Variants in MAST1 observed in about 807,000 individuals in gnomAD.
The protein encoded by MAST1 is microtubule-associated serine/threonine-protein kinase 1.
Under a neutral mutation model 124.6 loss-of-function variants are expected in MAST1, and 40 were observed. That is an observed-to-expected ratio of 0.32 (90% CI 0.25 to 0.42). The LOEUF is 0.42. MAST1 is among the 10% of genes least tolerant of loss of function. The pLI, the probability that MAST1 is intolerant of heterozygous loss-of-function variation, is 1.00. For missense variants in MAST1, 1,558 were observed against 2,181.9 expected (o/e 0.71, Z 5.70); for synonymous variants, 938 against 939.4 (o/e 1.00, Z 0.03).
chr19:12,849,132 TG>T (rs961591668), intron 7 of MAST1, among the ~76,000 whole-genome samples: 7 of 151,850 alleles, frequency 4.6e-5, no homozygotes, highest in Non-Finnish European at 4.4e-5. Context: ...TTGGTGAGGG[TG>T]GGGGGGTGGA....
rs995686360 is a variant in MAST1 at position 12,874,064 on chromosome 19, G to T, written c.3907G>T (p.Ala1303Ser). The T allele has an allele frequency of 1.3e-6, 2 of 1,594,782 alleles. No homozygotes were observed. Among genetic ancestry groups the T allele is most frequent in the Non-Finnish European group, 1.7e-6 (2 of 1,174,040 alleles). ...CCGCAAGGACTTCCATGGCGAGCTGGCGCTGCATAGCCTTGCCGAGTCCGA... is the reference window on the plus strand; with the variant it reads ...CCGCAAGGACTTCCATGGCGAGCTGTCGCTGCATAGCCTTGCCGAGTCCGA... ...DFRKDFHGELALHSLAESDGE... is the reference protein window; with the variant it reads ...DFRKDFHGELSLHSLAESDGE... The change falls in exon 26 of 26, where the codon GCG becomes TCG. Residue 1303 changes from alanine to serine, a missense_variant. By Grantham distance (99) the Ala-to-Ser change is moderately conservative. Coordinates refer to ENST00000251472, the MANE Select transcript of MAST1 (RefSeq NM_014975.3). The surrounding 1 kb of genome is among the most constrained non-coding windows in gnomAD (Gnocchi z 6.6).
intron 4 of MAST1, among the ~76,000 whole-genome samples, chr19:12,845,607 G>A (rs1464031865): frequency 6.8e-6 from 1 of 147,028 alleles, no homozygotes; most frequent in Non-Finnish European, 1.5e-5. Context: ...ATAAAATAAA[G>A]CAAGAGGAGA....
rs1010401731 is a variant in MAST1 at position 12,859,213 on chromosome 19, G to A, written c.1366+474G>A. ...TTATGCCTCAGCCTCCCGAGTAGCT[G>A]GGATTATGGGCCTGTGCCACCATTC... On this transcript the variant is annotated intron_variant, in intron 12 of 25. Transcript: ENST00000251472. Among the ~76,000 whole-genome samples, 6 of 152,048 alleles carry A rather than the reference G, an allele frequency of 3.9e-5. No homozygotes were observed. In the South Asian group the frequency reaches 1.2e-3, roughly 32 times the overall value.
chr19:12,849,446 G>A lies in MAST1; in HGVS notation c.774+1389G>A, dbSNP rs371833189. 7.2e-5 allele frequency among the ~76,000 whole-genome samples: 11 copies of A among 151,984 alleles called. No homozygotes were observed. The East Asian group carries it at 1.4e-3, about 19-fold the overall frequency. ...TGGGAGGCTGAGGCGAGCAGATCAC[G>A]AGGTCAGGAGTTTGAAACCAGCCTG... On this transcript the variant is annotated intron_variant, in intron 7 of 25. Coordinates refer to ENST00000251472, the MANE Select transcript of MAST1 (RefSeq NM_014975.3).
At chr19:12,872,901 G>T (rs1970254228) in intron 24 of MAST1, among the ~76,000 whole-genome samples, 1 of 145,864 alleles carries the variant, frequency 6.9e-6, no homozygotes, top group African/African-American at 2.5e-5. Flanking sequence ...GCGAAACTTC[G>T]TCTCAAAAAA....
chr19:12,862,028 TCTCA>T (rs1453454896), intron 12 of MAST1, among the ~76,000 whole-genome samples: 4 of 133,718 alleles, frequency 3.0e-5, no homozygotes, highest in South Asian at 2.3e-4. Flanking sequence ...TGAAATGGAG[TCTCA>T]CTCACGCTGT....
intron 3 of MAST1, among the ~76,000 whole-genome samples, chr19:12,842,800 T>A (rs920388958): frequency 2.0e-5 from 3 of 152,134 alleles, no homozygotes; most frequent in Non-Finnish European, 4.4e-5. Context: ...GTGTGGAGTA[T>A]GTTTGGGTGA....
rs1054214018 is a variant in MAST1 at position 12,866,176 on chromosome 19, C to G, written c.2029+74C>G. 1 of 1,591,374 alleles carries G rather than the reference C, an allele frequency of 6.3e-7. No homozygotes were observed. Among genetic ancestry groups the G allele is most frequent in the African/African-American group, 1.3e-5 (1 of 74,530 alleles). The stretch of plus-strand genomic sequence containing the variant: ...AAGAGGGACCCTGGGGTAAGTAAAG[C>G]CTGGGATAGGGCCTGGCTAAGTACC... On this transcript the variant is annotated intron_variant, in intron 17 of 25. Coordinates refer to ENST00000251472, the MANE Select transcript of MAST1 (RefSeq NM_014975.3). The surrounding 1 kb of genome is among the most constrained non-coding windows in gnomAD (Gnocchi z 5.2).
At chr19:12,844,053 G>A (rs1039172606) in intron 4 of MAST1, among the ~76,000 whole-genome samples, 1 of 152,150 alleles carries the variant, frequency 6.6e-6, no homozygotes, top group African/African-American at 2.4e-5. Context: ...CTTCAAAGGT[G>A]TTCACTTGTC....
Position 12,838,794 on chromosome 19 carries a change from G to C in MAST1, c.83+139G>C, listed in dbSNP as rs1969791101. The C allele has an allele frequency of 5.4e-6, 4 of 741,074 alleles. No individual in the cohort carries two copies. Among genetic ancestry groups the C allele is most frequent in the Non-Finnish European group, 8.4e-6 (4 of 475,392 alleles). The allele number at this position is 741,074 out of a possible 1,614,324, so 45.9% of individuals were successfully genotyped here. A position where few individuals can be genotyped will look rare whatever the true frequency, so the allele number is the denominator to read the frequency against. On this transcript the variant is annotated intron_variant, in intron 1 of 25. Coordinates refer to ENST00000251472, the MANE Select transcript of MAST1 (RefSeq NM_014975.3). This position sits in a 1 kb window ranked among gnomAD's most constrained non-coding sequence, Gnocchi z 4.3. Reference sequence around the variant, plus strand: ...GTGCCCCAGCTGCGCCTTCCCGCCGGGGTTGGGGTTGAATGGGGGGTGGTG... The same window carrying C: ...GTGCCCCAGCTGCGCCTTCCCGCCGCGGTTGGGGTTGAATGGGGGGTGGTG...
Position 12,873,330 on chromosome 19 carries a change from G to A in MAST1, c.3270G>A (p.Lys1090=). 1 of 1,612,746 alleles carries A rather than the reference G, an allele frequency of 6.2e-7. No homozygotes were observed. Among genetic ancestry groups the A allele is most frequent in the Non-Finnish European group, 8.5e-7 (1 of 1,178,968 alleles). ...PSAKEGQESK[K]RSSLFRKITK... is the part of the protein sequence containing the mutation. ...CCCCCTCCCTGTCCCGCAGCAAGAA[G>A]CGCAGCTCCCTCTTCCGGAAGATCA... Residue 1090 remains lysine (K), a synonymous_variant, in exon 25 of 26, where the codon AAG becomes AAA. Transcript: ENST00000251472.
chr19:12,859,742 C>T (rs7246686), intron 12 of MAST1, among the ~76,000 whole-genome samples: 7,797 of 150,838 alleles, frequency 0.052, 696 homozygotes, highest in African/African-American at 0.18. Flanking sequence ...TGCAGTAAGC[C>T]GAGATCGTGC....
Position 12,847,910 on chromosome 19 carries a change from T to A in MAST1, c.627T>A (p.Val209=). The change falls in exon 7 of 26, where the codon GTT becomes GTA. Residue 209 remains valine, a synonymous_variant. Transcript: ENST00000251472. This position sits in a 1 kb window ranked among gnomAD's most constrained non-coding sequence, Gnocchi z 5.5. ...DFTRAYEPDS[V]LPLADGVLSF... ...CCCGCGCCTACGAACCCGACAGCGT[T>A]CTGCCTCTGGCCGATGGCGTGCTCA... 6.2e-7 allele frequency: 1 copy of A among 1,613,958 alleles called. No homozygotes were observed. Among genetic ancestry groups the A allele is most frequent in the Non-Finnish European group, 8.5e-7 (1 of 1,179,942 alleles).
intron 10 of MAST1, among the ~76,000 whole-genome samples, chr19:12,857,255 G>C (rs1226468034): frequency 6.6e-6 from 1 of 151,624 alleles, no homozygotes; most frequent in Admixed American, 6.6e-5. Flanking sequence ...AGCTGATTTT[G>C]TATTTTTAGT....
At chr19:12,859,489 C>A (rs948927381) in intron 12 of MAST1, among the ~76,000 whole-genome samples, 1 of 152,078 alleles carries the variant, frequency 6.6e-6, no homozygotes, top group African/African-American at 2.4e-5. Context: ...TGGGCTCAAT[C>A]AATTCTCCCA....
chr19:12,866,247 G>A lies in MAST1; in HGVS notation c.2029+145G>A. On this transcript the variant is annotated intron_variant, in intron 17 of 25. Coordinates refer to ENST00000251472, the MANE Select transcript of MAST1 (RefSeq NM_014975.3). The surrounding 1 kb of genome is among the most constrained non-coding windows in gnomAD (Gnocchi z 5.2). ...GAAGGTGGTATTTTGGTGGGGGCGG[G>A]GCCAAGTGGGGCGGGGCTGACATAC... The A allele has an allele frequency of 9.1e-7, 1 of 1,095,322 alleles. No individual in the cohort carries two copies. The highest frequency in any genetic ancestry group is 1.3e-6 in the Non-Finnish European group (1 of 783,550). The allele number at this position is 1,095,322 out of a possible 1,614,324, so 67.9% of individuals were successfully genotyped here.
chr19:12,874,773 C>T lies in MAST1; in HGVS notation c.4616C>T (p.Pro1539Leu). 2.5e-6 allele frequency: 4 copies of T among 1,604,870 alleles called. No homozygotes were observed. The highest frequency in any genetic ancestry group is 3.4e-6 in the Non-Finnish European group (4 of 1,173,386). Residue 1539 changes from proline (P) to leucine (L), a missense_variant, in exon 26 of 26, where the codon CCT becomes CTT. Pro to Leu is a moderately conservative substitution (Grantham distance 98, BLOSUM62 -3). This residue lies in a region of MAST1 where 168 missense variants were observed against 154.3 expected (regional missense o/e 1.09). Transcript: ENST00000251472. This position sits in a 1 kb window ranked among gnomAD's most constrained non-coding sequence, Gnocchi z 6.6. The stretch of plus-strand genomic sequence containing the variant: ...TCCCTCTTGGGCTCAGGCACCAAGC[C>T]TCAAGTGGGGCTGACCTCCCGGTGC... ...PASLLGSGTKPQVGLTSRCPA... is the reference protein window; with the variant it reads ...PASLLGSGTKLQVGLTSRCPA...
intron 7 of MAST1, 31 bp from the exon 8 acceptor site, chr19:12,851,903 G>C (rs762846792): frequency 2.6e-6 from 4 of 1,567,194 alleles, no homozygotes; most frequent in Non-Finnish European, 3.5e-6. Flanking sequence ...GAGTGCCTAT[G>C]AGCCCTGTCC....
chr19:12,853,096 G>A (rs761913659), intron 10 of MAST1, among the ~76,000 whole-genome samples: 1 of 150,202 alleles, frequency 6.7e-6, no homozygotes, highest in Non-Finnish European at 1.5e-5. Flanking sequence ...TCAGCCTCCC[G>A]AGTAGCTGGG....
Sources: gnomAD v4.1 joint callset for allele counts (sites outside exome capture counted in the v4.1 genomes callset) on GRCh38, gnomAD v4.1.1 for gene constraint, gnomAD v4.1.1 regional missense constraint, Gnocchi (gnomAD v3.1) non-coding constraint, MANE v1.5 for transcripts, NCBI Gene and HGNC (gene_info 2026-07-23, HGNC 2026-07-21) for gene names.